DOCK11: variants seen among roughly 807,000 people sequenced by gnomAD.
DOCK11 encodes dedicator of cytokinesis 11.
Under a neutral mutation model 169.1 loss-of-function variants are expected in DOCK11, and 70 were observed. The ratio of observed to expected loss-of-function variants is 0.41; its 90% CI spans 0.34 to 0.51. The LOEUF (loss-of-function observed/expected upper bound fraction) is 0.51. Ranked by LOEUF, DOCK11 falls within the 20% of genes least tolerant of loss-of-function variation. The pLI, the probability that DOCK11 is intolerant of heterozygous loss-of-function variation, is 0.10. For missense variants in DOCK11, 1,166 were observed against 1,538.8 expected, an observed-to-expected ratio of 0.76 and a Z score of 4.05; for synonymous variants, 529 against 541.3, an observed-to-expected ratio of 0.98 and a Z score of 0.32.
chrX:118,555,314 G>A (rs2012644228), intron 6 of DOCK11, among the ~76,000 whole-genome samples: 1 of 111,283 alleles, frequency 9.0e-6, no homozygotes, highest in Non-Finnish European at 1.9e-5. Context: ...CAGCACTTTG[G>A]GAGGCCAAGC....
At chrX:118,631,603 G>A (rs1443588710) in intron 35 of DOCK11, among the ~76,000 whole-genome samples, 1 of 111,040 alleles carries the variant, frequency 9.0e-6, no homozygotes, top group South Asian at 3.8e-4. Context: ...TATTTATGTG[G>A]GCATTTTTAT....
intron 1 of DOCK11, among the ~76,000 whole-genome samples, chrX:118,532,213 T>C (rs2011609563): frequency 9.0e-6 from 1 of 111,407 alleles, no homozygotes; most frequent in Non-Finnish European, 1.9e-5. Flanking sequence ...CTATTGGAGC[T>C]TTCATACGGT....
intron 24 of DOCK11, among the ~76,000 whole-genome samples, chrX:118,607,489 T>G (rs2014561889): frequency 1.0e-5 from 1 of 97,094 alleles, no homozygotes; most frequent in African/African-American, 3.8e-5. Context: ...TGGCGTGATC[T>G]TGGCTCACTG....
At chrX:118,506,278 A>C (rs1456740100) in intron 1 of DOCK11, among the ~76,000 whole-genome samples, 2 of 110,519 alleles carry the variant, frequency 1.8e-5, no homozygotes, top group Non-Finnish European at 3.8e-5. Flanking sequence ...ACAACAAAAA[A>C]CCAAAACCAA....
Position 118,599,059 on chromosome X carries a change from CAGG to C in DOCK11, c.2473-73_2473-71del, listed in dbSNP as rs2014254791. ...ACCGGATAAATAGGTCTGCAAGATA[CAGG>C]AGGAGGGAGAGGTAGAGAGCTTGCA... On this transcript the variant is annotated intron_variant, in intron 22 of 52. Coordinates refer to ENST00000276202, the MANE Select transcript of DOCK11 (RefSeq NM_144658.4). 7.7e-6 allele frequency: 6 copies of C among 779,582 alleles called. No homozygotes were observed. In the South Asian group the frequency reaches 1.3e-4, roughly 17 times the overall value. 64.2% of individuals were successfully genotyped at this position (779,582 alleles called of 1,213,427 possible).
intron 20 of DOCK11, 136 bp downstream of exon 20, chrX:118,593,473 C>A: frequency 1.8e-6 from 1 of 562,890 alleles, no homozygotes. Context: ...TTTCATGCTG[C>A]TGATAAAGAC....
At chrX:118,680,254 A>G (rs1341363718) in intron 48 of DOCK11, among the ~76,000 whole-genome samples, 1 of 110,297 alleles carries the variant, frequency 9.1e-6, no homozygotes, top group Non-Finnish European at 1.9e-5. Flanking sequence ...ATTTCTTCGT[A>G]TGTTTCTGTA....
intron 1 of DOCK11, among the ~76,000 whole-genome samples, chrX:118,511,624 C>T (rs1231065404): frequency 9.0e-6 from 1 of 111,479 alleles, no homozygotes; most frequent in Non-Finnish European, 1.9e-5. Context: ...TGAACTTCAC[C>T]GAGGCTTCTG....
chrX:118,635,179 C>T (rs2015355992), intron 35 of DOCK11, among the ~76,000 whole-genome samples: 1 of 112,203 alleles, frequency 8.9e-6, no homozygotes, highest in African/African-American at 3.2e-5. Flanking sequence ...CCCTCATCCT[C>T]CTTGCCCCTC....
chrX:118,648,613 A>G (rs1307930571), intron 40 of DOCK11, among the ~76,000 whole-genome samples: 1 of 100,622 alleles, frequency 9.9e-6, no homozygotes, highest in Non-Finnish European at 2.0e-5. Context: ...ATTAATATAT[A>G]ATATATAATA....
At chrX:118,598,461 A>G (rs1476864275) in intron 22 of DOCK11, among the ~76,000 whole-genome samples, 2 of 110,945 alleles carry the variant, frequency 1.8e-5, no homozygotes, top group African/African-American at 6.6e-5. Flanking sequence ...ATGATCTTTT[A>G]ATTCTCATTA....
At chrX:118,636,307 T>C in intron 35 of DOCK11, 39 bp from the exon 36 acceptor site, 1 of 909,587 alleles carries the variant, frequency 1.1e-6, no homozygotes, top group Non-Finnish European at 1.5e-6. Context: ...TTTGCTGTAA[T>C]TATTTCAAGA....
chrX:118,546,905 C>T (rs1234158776), intron 6 of DOCK11, among the ~76,000 whole-genome samples: 1 of 111,613 alleles, frequency 9.0e-6, no homozygotes, highest in African/African-American at 3.3e-5. Flanking sequence ...TGGGAGAATC[C>T]CTTGATCCCA....
At chrX:118,667,008 C>CT (rs1311091403) in intron 45 of DOCK11, among the ~76,000 whole-genome samples, 1 of 111,851 alleles carries the variant, frequency 8.9e-6, no homozygotes, top group Non-Finnish European at 1.9e-5. Context: ...TCCTTGGCCT[C>CT]TTTTGTATTT....
intron 40 of DOCK11, among the ~76,000 whole-genome samples, chrX:118,645,734 G>C (rs2015642167): frequency 9.2e-6 from 1 of 108,173 alleles, no homozygotes; most frequent in Non-Finnish European, 1.9e-5. Flanking sequence ...TAAATGATTT[G>C]TGGGAGATAA....
chrX:118,638,054 T>C, intron 36 of DOCK11, 26 bp from the exon 37 acceptor site: 1 of 1,155,999 alleles, frequency 8.7e-7, no homozygotes, highest in Non-Finnish European at 1.2e-6. Flanking sequence ...AATATATTAC[T>C]AACATGCTAT....
At chrX:118,642,026 A>G (rs997137133) in intron 39 of DOCK11, among the ~76,000 whole-genome samples, 1 of 111,541 alleles carries the variant, frequency 9.0e-6, no homozygotes, top group East Asian at 2.8e-4. Context: ...AGGCTTATAA[A>G]GGAAAATTGA....
chrX:118,648,199 A>ATATAATAT (rs1385535599), intron 40 of DOCK11, among the ~76,000 whole-genome samples: 1 of 71,532 alleles, frequency 1.4e-5, no homozygotes, highest in African/African-American at 6.5e-5. Flanking sequence ...ATAATATAAT[A>ATATAATAT]TATAATATTA....
chrX:118,646,053 C>CA (rs754457760), intron 40 of DOCK11, among the ~76,000 whole-genome samples: 2,724 of 38,616 alleles, frequency 0.071, 101 homozygotes, highest in African/African-American at 0.078. Context: ...GAGACTTCGT[C>CA]AAAAAAAAAA....
Sources: gnomAD v4.1 joint callset for allele counts (sites outside exome capture counted in the v4.1 genomes callset) on GRCh38, gnomAD v4.1.1 for gene constraint, MANE v1.5 for transcripts, NCBI Gene and HGNC (gene_info 2026-07-23, HGNC 2026-07-21) for gene names.